The following NSUN4 variants were observed in gnomAD, a reference collection of about 807,000 sequenced individuals.
NSUN4 encodes the protein 5-cytosine rRNA methyltransferase NSUN4.
NSUN4 carries 31 observed loss-of-function variants against 43.8 expected under a neutral mutation model. The observed-to-expected ratio is 0.71, with a 90% confidence interval of 0.53 to 0.96. The LOEUF (loss-of-function observed/expected upper bound fraction) is 0.96, where lower values mean the gene tolerates loss of function less well. Among genes scored for constraint, NSUN4 ranks in the 40% least tolerant of loss-of-function variants. The probability of loss-of-function intolerance (pLI) is 0.00; values close to 1 mark genes in which losing one functional copy is unlikely to be tolerated. For synonymous variants in NSUN4, 167 were observed against 184.1 expected, an observed-to-expected ratio of 0.91 and a Z score of 0.75; for missense variants, 439 against 475.6, an observed-to-expected ratio of 0.92 and a Z score of 0.72.
At chr1:46,368,926 A>T (rs542222398), downstream of NSUN4, among the ~76,000 whole-genome samples, 7 of 152,266 alleles carry the variant, frequency 4.6e-5, no homozygotes, top group East Asian at 1.2e-3. Flanking sequence ...TGCCAGCAGG[A>T]TCAAGTCCAG....
At chr1:46,380,745 C>T in the NSUN4 span, among the ~76,000 whole-genome samples, 1 of 152,088 alleles carries the variant, frequency 6.6e-6, no homozygotes, top group Non-Finnish European at 1.5e-5. Flanking sequence ...CAGTAAGTGG[C>T]AGAGTTAGGA....
rs1169571195 is a variant in NSUN4 at position 46,344,960 on chromosome 1, C to T, written c.253C>T (p.His85Tyr). The T allele has an allele frequency of 8.7e-6, 14 of 1,614,200 alleles. No homozygotes were observed. The highest frequency in any genetic ancestry group is 1.2e-5 in the Non-Finnish European group (14 of 1,180,028). Residue 85 changes from histidine (H) to tyrosine (Y), a missense_variant, in exon 2 of 6, where the codon CAT (histidine) becomes TAT (tyrosine). His to Tyr is a moderately conservative substitution (Grantham distance 83, BLOSUM62 2). Transcript: ENST00000474844. The part of the protein sequence containing the change: ...ALVNNFAAWD[H>Y]VSAKLEQLSA... ...GGTCAATAACTTTGCTGCCTGGGAT[C>T]ATGTAAGTGCTAAGCTGGAGCAGCT...
intron 3 of NSUN4, among the ~76,000 whole-genome samples, chr1:46,347,615 G>A (rs1262772546): frequency 6.6e-6 from 1 of 152,212 alleles, no homozygotes; most frequent in Admixed American, 6.5e-5. Flanking sequence ...GCTCTGATCA[G>A]TTGATCACAT....
chr1:46,345,049 A>G lies in NSUN4; in HGVS notation c.342A>G (p.Gln114=), dbSNP rs973572570. Residue 114 remains glutamine (Q), a synonymous_variant, in exon 2 of 6, where the codon CAA becomes CAG. Transcript: ENST00000474844. ...GGGAACTGCAGTCTGAGGGTGGCCAATCTGCAGCCCCATCCCCTGCCTCCT... is the reference window on the plus strand; with the variant it reads ...GGGAACTGCAGTCTGAGGGTGGCCAGTCTGCAGCCCCATCCCCTGCCTCCT... ...SHWELQSEGG[Q]SAAPSPASWA... 1.2e-6 allele frequency: 2 copies of G among 1,614,152 alleles called. No homozygotes were observed. Among genetic ancestry groups the G allele is most frequent in the South Asian group, 1.1e-5 (1 of 91,078 alleles).
intron 3 of NSUN4, among the ~76,000 whole-genome samples, chr1:46,349,372 C>T (rs1557739333): frequency 2.0e-5 from 3 of 152,192 alleles, no homozygotes; most frequent in Non-Finnish European, 4.4e-5. Context: ...GATCTCCTGA[C>T]CTCGTGATCC....
the NSUN4 span, among the ~76,000 whole-genome samples, chr1:46,383,334 T>A: frequency 2.2e-4 from 33 of 152,148 alleles, no homozygotes; most frequent in Middle Eastern, 6.8e-3. Flanking sequence ...GTGGGCACCC[T>A]GTGGTGCATG....
At position 46,344,970 on chromosome 1, in the gene NSUN4, C is replaced by T. The variant is rs1157593212; in HGVS notation, c.263C>T (p.Ala88Val). ...TTTGCTGCCTGGGATCATGTAAGTG[C>T]TAAGCTGGAGCAGCTGAGTGCCAAG... ...NNFAAWDHVS[A>V]KLEQLSAKDF... The change falls in exon 2 of 6, where the codon GCT becomes GTT. Residue 88 changes from alanine (A) to valine (V), a missense_variant. Transcript: ENST00000474844. 1 of 1,614,090 alleles carries T rather than the reference C, an allele frequency of 6.2e-7. No individual in the cohort carries two copies. The highest frequency in any genetic ancestry group is 2.2e-5 in the East Asian group (1 of 44,900).
chr1:46,353,647 TG>T (rs1442208583), intron 4 of NSUN4, among the ~76,000 whole-genome samples: 8 of 152,084 alleles, frequency 5.3e-5, no homozygotes, highest in Non-Finnish European at 7.4e-5. Context: ...GGCTAATTTT[TG>T]TATTTTTTTT....
the NSUN4 span, among the ~76,000 whole-genome samples, chr1:46,372,454 A>G: frequency 6.6e-6 from 1 of 151,710 alleles, no homozygotes; most frequent in African/African-American, 2.4e-5. Flanking sequence ...CCTTTTTACT[A>G]TTTACATGGC....
chr1:46,367,338 C>T (rs1396155688), downstream of NSUN4, among the ~76,000 whole-genome samples: 3 of 152,098 alleles, frequency 2.0e-5, no homozygotes, highest in Non-Finnish European at 4.4e-5. Context: ...TGAGCCAGGC[C>T]CATGTGAAAA....
intron 3 of NSUN4, among the ~76,000 whole-genome samples, chr1:46,348,458 A>T (rs1662687304): frequency 6.6e-6 from 1 of 152,090 alleles, no homozygotes; most frequent in African/African-American, 2.4e-5. Context: ...CACGCCTATA[A>T]TTCCAGCACT....
the NSUN4 span, among the ~76,000 whole-genome samples, chr1:46,378,578 G>A: frequency 6.6e-6 from 1 of 152,340 alleles, no homozygotes; most frequent in African/African-American, 2.4e-5. Flanking sequence ...CAAGTGACTG[G>A]TTGTCTGTAA....
At chr1:46,372,143 G>GTTTTTTTTTTTTTTTTTTTTTT in the NSUN4 span, among the ~76,000 whole-genome samples, 1 of 136,722 alleles carries the variant, frequency 7.3e-6, no homozygotes, top group South Asian at 2.3e-4. Context: ...CCTTTTTACT[G>GTTTTTTTTTTTTTTTTTTTTTT]TTTTTTTTTT....
downstream of NSUN4, among the ~76,000 whole-genome samples, chr1:46,365,898 C>T (rs1056001877): frequency 7.9e-5 from 12 of 151,976 alleles, no homozygotes; most frequent in South Asian, 2.1e-4. Flanking sequence ...GAGGCCGAGG[C>T]GGGCGGATCA....
intron 2 of NSUN4, chr1:46,345,362 A>G: frequency 2.0e-6 from 1 of 505,236 alleles, no homozygotes; most frequent in Non-Finnish European, 3.5e-6. Flanking sequence ...GCTGTTTTAC[A>G]TTTGGAGAAA....
the NSUN4 span, among the ~76,000 whole-genome samples, chr1:46,372,468 G>T: frequency 6.6e-6 from 1 of 152,020 alleles, no homozygotes; most frequent in African/African-American, 2.4e-5. Context: ...ACATGGCCAG[G>T]CTGAGTCTTC....
chr1:46,365,957 G>A (rs530613638), downstream of NSUN4, among the ~76,000 whole-genome samples: 9 of 152,038 alleles, frequency 5.9e-5, no homozygotes, highest in South Asian at 1.0e-3. Context: ...GGAAAACCCC[G>A]TCTGTACTAA....
the NSUN4 span, among the ~76,000 whole-genome samples, chr1:46,374,478 G>T: frequency 6.2e-4 from 92 of 148,520 alleles, no homozygotes; most frequent in South Asian, 3.4e-3. Flanking sequence ...GCATGGTGGT[G>T]AGCTCCTGTA....
Position 46,361,669 on chromosome 1 carries a change from G to T in NSUN4, c.978G>T (p.Glu326Asp). The change falls in exon 6 of 6, where the codon GAG (glutamate) becomes GAT (aspartate). Residue 326 changes from glutamate to aspartate, a missense_variant. Physicochemically the swap from Glu to Asp is conservative, Grantham distance 45. Transcript: ENST00000474844. The part of the protein sequence containing the change: ...QNEYVVQGAI[E>D]LLANQYSIQV... ...AGTATGTGGTGCAAGGTGCCATTGA[G>T]CTCCTGGCCAATCAATACAGCATCC... 1.2e-6 allele frequency: 2 copies of T among 1,614,186 alleles called. No homozygotes were observed. The highest frequency in any genetic ancestry group is 1.1e-5 in the South Asian group (1 of 91,084).
Sources: allele counts gnomAD v4.1 joint callset (sites outside exome capture counted in the v4.1 genomes callset), GRCh38; gene constraint gnomAD v4.1.1; transcripts MANE v1.5; gene names NCBI Gene and HGNC (gene_info 2026-07-23, HGNC 2026-07-21).